The following UNC79 variants were observed in gnomAD, a reference collection of about 807,000 sequenced individuals.
The protein encoded by UNC79 is protein unc-79 homolog.
UNC79 carries 37 observed loss-of-function variants against 283.1 expected under a neutral mutation model. The ratio of observed to expected loss-of-function variants is 0.13; its 90% CI spans 0.10 to 0.17. The LOEUF is 0.17. UNC79 is among the 10% of genes least tolerant of loss of function. The pLI is 1.00. For synonymous variants in UNC79, 1,107 were observed against 1,200.2 expected (o/e 0.92, Z 1.61); for missense variants, 2,272 against 3,211.1 (o/e 0.71, Z 7.07).
At chr14:93,682,874 G>C (rs929968158) in intron 42 of UNC79, among the ~76,000 whole-genome samples, 180 bp downstream of exon 45, 1 of 152,128 alleles carries the variant, frequency 6.6e-6, no homozygotes, top group Admixed American at 6.5e-5. Context: ...GGATATAACA[G>C]GGTTTAACAT....
intron 1 of UNC79, among the ~76,000 whole-genome samples, chr14:93,374,152 C>A (rs140695653): frequency 3.9e-5 from 6 of 152,198 alleles, no homozygotes; most frequent in African/African-American, 1.4e-4. Flanking sequence ...AAGTTCCCAC[C>A]AGGGTAATGC....
In UNC79 at chr14:93,704,733, T is replaced by A; in HGVS notation, c.7590+67T>A. ...AGAGAACGTATAACGTTCCTAGGGATTGTTGATGCTCCATTTACTATGGAG... is the reference window on the plus strand; with the variant it reads ...AGAGAACGTATAACGTTCCTAGGGAATGTTGATGCTCCATTTACTATGGAG... On this transcript the variant is annotated intron_variant, in intron 48 of 48. Coordinates refer to ENST00000555664, the Ensembl canonical transcript of UNC79. 3 of 1,557,722 alleles carry A rather than the reference T, an allele frequency of 1.9e-6. No individual in the cohort carries two copies. In the Admixed American group the frequency reaches 5.0e-5, roughly 26 times the overall value.
intron 31 of UNC79, among the ~76,000 whole-genome samples, 194 bp from the exon 34 acceptor site, chr14:93,634,327 C>T (rs1306150688): frequency 6.6e-6 from 1 of 152,164 alleles, no homozygotes; most frequent in Non-Finnish European, 1.5e-5. Flanking sequence ...GGCACTGTTA[C>T]CATCCTCACT....
rs541211382 is a variant in UNC79 at position 93,438,636 on chromosome 14, C to A, written c.22+7585C>A. ...TGTTCTTAAAAAATAATGTTTCAAGCAGGTTTCACTGGCTTTCTTTTACGT... is the reference window on the plus strand; with the variant it reads ...TGTTCTTAAAAAATAATGTTTCAAGAAGGTTTCACTGGCTTTCTTTTACGT... On this transcript the variant is annotated intron_variant, in intron 1 of 48. Coordinates refer to ENST00000555664, the Ensembl canonical transcript of UNC79. 1.3e-3 allele frequency among the ~76,000 whole-genome samples: 196 copies of A among 151,524 alleles called. 2 individuals are homozygous for A. The South Asian group carries it at 0.013, about 10-fold the overall frequency.
intron 3 of UNC79, 75 bp from the exon 4 acceptor site, chr14:93,477,483 G>A (rs951135573): frequency 1.0e-5 from 13 of 1,274,952 alleles, no homozygotes; most frequent in Non-Finnish European, 1.4e-5. Flanking sequence ...GTTCATTAAA[G>A]CTTAAAATGT....
chr14:93,455,433 A>G (rs1242499519), intron 1 of UNC79, among the ~76,000 whole-genome samples: 5 of 152,146 alleles, frequency 3.3e-5, no homozygotes, highest in Non-Finnish European at 7.4e-5. Context: ...ATATAGAACT[A>G]AATTTTAGTA....
rs558152634 is a variant in UNC79 at position 93,585,832 on chromosome 14, T to A, written c.2804-764T>A. The stretch of plus-strand genomic sequence containing the variant: ...ATCTACCTCTTTTTGTGAGAATCCA[T>A]GGGATAAACCTCTTCAGTTGCTAGT... On this transcript the variant is annotated intron_variant, in intron 20 of 48. Coordinates refer to ENST00000555664, the Ensembl canonical transcript of UNC79. Among the ~76,000 whole-genome samples, 146 of 152,094 alleles carry A rather than the reference T, an allele frequency of 9.6e-4. 2 individuals are homozygous for A. In the South Asian group the frequency reaches 0.029, roughly 30 times the overall value.
chr14:93,492,842 T>C (rs1019472609), intron 5 of UNC79, among the ~76,000 whole-genome samples: 8 of 152,284 alleles, frequency 5.3e-5, no homozygotes, highest in African/African-American at 1.9e-4. Context: ...GAGAATTCAG[T>C]GATGGCTTAA....
chr14:93,479,496 C>T (rs534174019), intron 4 of UNC79, among the ~76,000 whole-genome samples: 1 of 152,090 alleles, frequency 6.6e-6, no homozygotes, highest in East Asian at 1.9e-4. Flanking sequence ...TGGGGTTTTG[C>T]CATGTTGGCC....
At chr14:93,427,833 G>GT (rs1364103982), upstream of UNC79, among the ~76,000 whole-genome samples, 4 of 151,932 alleles carry the variant, frequency 2.6e-5, no homozygotes, top group Admixed American at 1.3e-4. Flanking sequence ...TCTCTAAAAT[G>GT]TTTTTTTCTG....
intron 1 of UNC79, among the ~76,000 whole-genome samples, chr14:93,450,281 G>A (rs1353946764): frequency 6.6e-6 from 1 of 152,164 alleles, no homozygotes; most frequent in Non-Finnish European, 1.5e-5. Flanking sequence ...TTAGCTGTTT[G>A]AGGCCACTGT....
chr14:93,628,314 T>C (rs551648783), intron 30 of UNC79, among the ~76,000 whole-genome samples: 33 of 152,202 alleles, frequency 2.2e-4, no homozygotes, highest in Non-Finnish European at 3.4e-4. Flanking sequence ...CTTTGTATTC[T>C]TTACCTTTGG....
At chr14:93,614,226 A>G (rs990572794) in intron 27 of UNC79, among the ~76,000 whole-genome samples, 3 of 152,080 alleles carry the variant, frequency 2.0e-5, no homozygotes, top group Non-Finnish European at 4.4e-5. Flanking sequence ...GAACTTTTTT[A>G]TCATCCTAAA....
At position 93,580,109 on chromosome 14, in the gene UNC79, TGTGTGTGTGTGCGTGTGTCC is replaced by T; in HGVS notation, c.2434-39_2434-20del. ...AAACTCCTTCTTCTTCTTTTTTTTTTGTGTGTGTGTGCGTGTGTCCTTTTTTTGATGTCTTTCAGATGGAG... is the reference window on the plus strand; with the variant it reads ...AAACTCCTTCTTCTTCTTTTTTTTTTTTTTTTTGATGTCTTTCAGATGGAG... On this transcript the variant is annotated intron_variant, in intron 18 of 48. Transcript: ENST00000555664. 8 of 1,484,422 alleles carry T rather than the reference TGTGTGTGTGTGCGTGTGTCC, an allele frequency of 5.4e-6. No homozygotes were observed. Among genetic ancestry groups the T allele is most frequent in the African/African-American group, 4.4e-5 (3 of 68,024 alleles). 92.0% of individuals were successfully genotyped at this position (1,484,422 alleles called of 1,614,324 possible).
rs75200415 is a variant in UNC79 at position 93,393,787 on chromosome 14, C to T, written c.-351+60264C>T. Among the ~76,000 whole-genome samples the T allele has an allele frequency of 8.5e-3, 1,295 of 152,242 alleles. 6 individuals are homozygous for T. Among genetic ancestry groups the T allele is most frequent in the Non-Finnish European group, 0.013 (876 of 68,010 alleles). On this transcript the variant is annotated intron_variant, in intron 1 of 49. Coordinates refer to the UNC79 transcript ENST00000256339. ...TGTGTGATTGGATATTTCCCACCCC[C>T]CTAGAAAGTATTTGCTAACTGGCTT...
chr14:93,446,232 CT>C (rs1415302514), intron 1 of UNC79, among the ~76,000 whole-genome samples: 1 of 152,042 alleles, frequency 6.6e-6, no homozygotes, highest in African/African-American at 2.4e-5. Flanking sequence ...TGAAATCTTT[CT>C]TCTTTTCTAA....
In UNC79 at chr14:93,652,525, G is replaced by A. The variant is rs2070401063; in HGVS notation, c.6084-1217G>A. Among the ~76,000 whole-genome samples the A allele has an allele frequency of 2.0e-5, 3 of 152,222 alleles. No individual in the cohort carries two copies. The South Asian group carries it at 6.2e-4, about 32-fold the overall frequency. ...TCTTCCTGCCTTGGCCTCCCAAAATGCTGGGATTACAGGCGATAGTCACTG... is the reference window on the plus strand; with the variant it reads ...TCTTCCTGCCTTGGCCTCCCAAAATACTGGGATTACAGGCGATAGTCACTG... On this transcript the variant is annotated intron_variant, in intron 35 of 48. Coordinates refer to ENST00000555664, the Ensembl canonical transcript of UNC79.
chr14:93,343,271 G>A (rs960422870), intron 1 of UNC79, among the ~76,000 whole-genome samples: 15 of 152,214 alleles, frequency 9.9e-5, no homozygotes, highest in African/African-American at 3.6e-4. Flanking sequence ...GCATGGCTGG[G>A]GAGGCCTCAG....
At chr14:93,581,057 CT>C (rs2063767239) in intron 19 of UNC79, among the ~76,000 whole-genome samples, 1 of 151,774 alleles carries the variant, frequency 6.6e-6, no homozygotes, top group Non-Finnish European at 1.5e-5. Context: ...TTGACAGACA[CT>C]TGGGTTGCCA....
Sources: allele counts gnomAD v4.1 joint callset (sites outside exome capture counted in the v4.1 genomes callset), GRCh38; gene constraint gnomAD v4.1.1; transcripts MANE v1.5; gene names NCBI Gene and HGNC (gene_info 2026-07-23, HGNC 2026-07-21).